Variants in LOXL1 observed in about 807,000 individuals in gnomAD.
LOXL1 encodes lysyl oxidase homolog 1.
In LOXL1, 31 loss-of-function variants were observed where a neutral mutation model predicts 62.2. The ratio of observed to expected loss-of-function variants is 0.50; its 90% confidence interval spans 0.37 to 0.67. The LOEUF is 0.67. LOXL1 is among the 30% of genes least tolerant of loss of function. The pLI is 0.00. For synonymous variants in LOXL1, 403 were observed against 384.4 expected, an observed-to-expected ratio of 1.05 and a Z score of -0.56; for missense variants, 775 against 843.4, an observed-to-expected ratio of 0.92 and a Z score of 1.00.
chr15:73,938,421 GTT>G (rs1196722124), intron 1 of LOXL1, among the ~76,000 whole-genome samples: 1 of 146,274 alleles, frequency 6.8e-6, no homozygotes, highest in Non-Finnish European at 1.5e-5. Context: ...GACCTTAAAA[GTT>G]TACATGGACT....
chr15:73,935,293 G>A (rs2068663197), intron 1 of LOXL1, among the ~76,000 whole-genome samples: 1 of 152,156 alleles, frequency 6.6e-6, no homozygotes, highest in Admixed American at 6.5e-5. Flanking sequence ...CAGCTTTAGG[G>A]TATGTTCTTG....
At position 73,929,049 on chromosome 15, in the gene LOXL1, C is replaced by T. The variant is rs1550438; in HGVS notation, c.1102+1164C>T. Among the ~76,000 whole-genome samples the T allele has an allele frequency of 4.8e-3, 724 of 152,326 alleles. 4 individuals carry two copies. Among genetic ancestry groups the T allele is most frequent in the African/African-American group, 0.016 (681 of 41,576 alleles). On this transcript the variant is annotated intron_variant, in intron 1 of 6. Coordinates refer to ENST00000261921, the MANE Select transcript of LOXL1 (RefSeq NM_005576.4). ...ACACAGTGGAAAGGCAGCTTCCACA[C>T]ATGCTGTTAGCAGACAGGGCTACTG...
intron 4 of LOXL1, 117 bp from the exon 5 acceptor site, chr15:73,947,689 TG>T: frequency 1.4e-6 from 1 of 712,312 alleles, no homozygotes; most frequent in Non-Finnish European, 2.5e-6. Flanking sequence ...GCAGTTGCCC[TG>T]GGCCAGGGTC....
chr15:73,947,894 A>G lies in LOXL1; in HGVS notation c.1594A>G (p.Ile532Val), dbSNP rs202151218. The change falls in exon 5 of 7, where the codon ATC (isoleucine) becomes GTC (valine). Residue 532 changes from isoleucine (I) to valine (V), a missense_variant. Ile to Val is a conservative substitution (Grantham distance 29). Transcript: ENST00000261921. Reference protein sequence around the residue: ...DITDVQPGNYILKVHVNPKYI... With the variant: ...DITDVQPGNYVLKVHVNPKYI... Reference sequence around the variant, plus strand: ...AACCGACGTGCAGCCTGGGAACTACATCCTCAAGGTGGGCCTCTGGGTCTG... The same window carrying G: ...AACCGACGTGCAGCCTGGGAACTACGTCCTCAAGGTGGGCCTCTGGGTCTG... 12 of 1,612,804 alleles carry G rather than the reference A, an allele frequency of 7.4e-6. No homozygotes were observed. Among genetic ancestry groups the G allele is most frequent in the Non-Finnish European group, 1.0e-5 (12 of 1,179,184 alleles).
chr15:73,929,511 G>C (rs1045476041), intron 1 of LOXL1, among the ~76,000 whole-genome samples: 1 of 152,200 alleles, frequency 6.6e-6, no homozygotes, highest in Non-Finnish European at 1.5e-5. Flanking sequence ...TCTCCACTGG[G>C]AACACTCACT....
Position 73,927,147 on chromosome 15 carries a change from G to A in LOXL1, c.364G>A (p.Gly122Ser), listed in dbSNP as rs2068586613. The A allele has an allele frequency of 1.3e-6, 2 of 1,502,280 alleles. No individual in the cohort carries two copies. The highest frequency in any genetic ancestry group is 1.8e-6 in the Non-Finnish European group (2 of 1,124,382). The allele number at this position is 1,502,280 out of a possible 1,614,324, so 93.1% of individuals were successfully genotyped here. ...CCAGGCGCGGCACCCATTCGGCTTT[G>A]GCCAGGTGCCCGACAACTGGCGCGA... ...RGQARHPFGF[G>S]QVPDNWREVA... Residue 122 changes from glycine (G) to serine (S), a missense_variant, in exon 1 of 7, where the codon GGC (glycine) becomes AGC (serine). Gly to Ser is a moderately conservative substitution (Grantham distance 56, BLOSUM62 0). Coordinates refer to ENST00000261921, the MANE Select transcript of LOXL1 (RefSeq NM_005576.4).
At chr15:73,950,065 T>C (rs2068773489) in intron 6 of LOXL1, among the ~76,000 whole-genome samples, 1 of 152,080 alleles carries the variant, frequency 6.6e-6, no homozygotes, top group African/African-American at 2.4e-5. Flanking sequence ...GATTAAACAG[T>C]CACAGATTAG....
intron 1 of LOXL1, among the ~76,000 whole-genome samples, chr15:73,938,537 C>T (rs1245187051): frequency 6.6e-6 from 1 of 152,026 alleles, no homozygotes; most frequent in African/African-American, 2.4e-5. Flanking sequence ...ATGGTGAAAC[C>T]CTGTCTCTAC....
intron 1 of LOXL1, among the ~76,000 whole-genome samples, chr15:73,940,096 G>A (rs12905253): frequency 0.37 from 56,653 of 152,092 alleles, 12,034 homozygotes; most frequent in Middle Eastern, 0.57. Flanking sequence ...CATCTGGAGC[G>A]GAGGAGACAC....
rs1342347113 is a variant in LOXL1 at position 73,945,975 on chromosome 15, C to T, written c.1212-442C>T. ...CAAACTATGGGCCTCAAGTGATCCT[C>T]CTGCCTCGACCTCCAAAAAGCTCTG... On this transcript the variant is annotated intron_variant, in intron 2 of 6. Transcript: ENST00000261921. The surrounding 1 kb of genome is among the most constrained non-coding windows in gnomAD (Gnocchi z 4.3). Among the ~76,000 whole-genome samples the T allele has an allele frequency of 6.6e-6, 1 of 152,192 alleles. No individual in the cohort carries two copies. The highest frequency in any genetic ancestry group is 2.1e-4 in the South Asian group (1 of 4,836).
chr15:73,935,756 C>G (rs1457641596), intron 1 of LOXL1, among the ~76,000 whole-genome samples: 1 of 152,216 alleles, frequency 6.6e-6, no homozygotes, highest in Non-Finnish European at 1.5e-5. Flanking sequence ...CTGGCGCAAT[C>G]AAGCACACAC....
intron 1 of LOXL1, among the ~76,000 whole-genome samples, chr15:73,934,715 C>T (rs954460425): frequency 6.6e-6 from 1 of 152,050 alleles, no homozygotes; most frequent in Non-Finnish European, 1.5e-5. Flanking sequence ...AAATTCTTGC[C>T]CTTGTGGATC....
At chr15:73,940,238 C>A (rs2068704642) in intron 1 of LOXL1, among the ~76,000 whole-genome samples, 1 of 152,122 alleles carries the variant, frequency 6.6e-6, no homozygotes, top group African/African-American at 2.4e-5. Flanking sequence ...CCTGCCTGAG[C>A]CTGAGATTCC....
intron 2 of LOXL1, among the ~76,000 whole-genome samples, chr15:73,944,055 T>C (rs1191562838): frequency 6.6e-6 from 1 of 152,212 alleles, no homozygotes; most frequent in Non-Finnish European, 1.5e-5. Flanking sequence ...TACATTCTGG[T>C]GCAAGTTCCC....
chr15:73,937,706 T>C (rs2068683672), intron 1 of LOXL1, among the ~76,000 whole-genome samples: 1 of 152,156 alleles, frequency 6.6e-6, no homozygotes. Flanking sequence ...TATGACACAG[T>C]AGGGCAAGAC....
At position 73,945,886 on chromosome 15, in the gene LOXL1, A is replaced by AAT. The variant is rs2068743872; in HGVS notation, c.1212-530_1212-529insTA. Among the ~76,000 whole-genome samples the AAT allele has an allele frequency of 6.6e-6, 1 of 152,026 alleles. No homozygotes were observed. The highest frequency in any genetic ancestry group is 2.4e-5 in the African/African-American group (1 of 41,402). On this transcript the variant is annotated intron_variant, in intron 2 of 6. Coordinates refer to ENST00000261921, the MANE Select transcript of LOXL1 (RefSeq NM_005576.4). This position sits in a 1 kb window ranked among gnomAD's most constrained non-coding sequence, Gnocchi z 4.3. ...CCTGGCTAATTTTTTAATTTTTTAA[A>AAT]AATTTCTTTAATTAAATTAATTTTT...
Position 73,927,866 on chromosome 15 carries a change from G to C in LOXL1, c.1083G>C (p.Arg361=). ...GCCTCAGCGTGGGCAGCGTGTACCGGCCCAACCAGAACGGCCGCGGTGAGT... is the reference window on the plus strand; with the variant it reads ...GCCTCAGCGTGGGCAGCGTGTACCGCCCCAACCAGAACGGCCGCGGTGAGT... The part of the protein sequence containing the change: ...QGRLSVGSVY[R]PNQNGRGLPD... Residue 361 remains arginine (R), a synonymous_variant, in exon 1 of 7, where the codon CGG becomes CGC. Coordinates refer to ENST00000261921, the MANE Select transcript of LOXL1 (RefSeq NM_005576.4). 7.5e-7 allele frequency: 1 copy of C among 1,325,892 alleles called. No individual in the cohort carries two copies. The highest frequency in any genetic ancestry group is 9.6e-7 in the Non-Finnish European group (1 of 1,045,208). 82.1% of individuals were successfully genotyped at this position (1,325,892 alleles called of 1,614,324 possible). A position where few individuals can be genotyped will look rare whatever the true frequency, so the allele number is the denominator to read the frequency against.
intron 1 of LOXL1, among the ~76,000 whole-genome samples, chr15:73,941,414 A>G (rs1257432338): frequency 2.6e-5 from 4 of 152,174 alleles, no homozygotes; most frequent in Non-Finnish European, 5.9e-5. Context: ...ATATGCTGGC[A>G]GACACTTCTG....
chr15:73,948,027 A>G, intron 5 of LOXL1, 125 bp downstream of exon 5: 2 of 628,684 alleles, frequency 3.2e-6, no homozygotes, highest in East Asian at 6.0e-5. Context: ...CAGAGGCAGC[A>G]TCTGAGGCAT....
Sources: gnomAD v4.1 joint callset for allele counts (sites outside exome capture counted in the v4.1 genomes callset) on GRCh38, gnomAD v4.1.1 for gene constraint, Gnocchi (gnomAD v3.1) non-coding constraint, MANE v1.5 for transcripts, NCBI Gene and HGNC (gene_info 2026-07-23, HGNC 2026-07-21) for gene names.